The following PTPRG variants were observed in gnomAD, a reference collection of about 807,000 sequenced individuals.
PTPRG encodes protein tyrosine phosphatase receptor type G.
A neutral mutation model predicts 165.3 loss-of-function variants in PTPRG; 102 were observed. The ratio of observed to expected loss-of-function variants is 0.62; its 90% CI spans 0.53 to 0.73. The LOEUF (loss-of-function observed/expected upper bound fraction) is 0.73, where lower values mean the gene tolerates loss of function less well. PTPRG is among the 30% of genes least tolerant of loss of function. PTPRG has a pLI of 0.00. For missense variants in PTPRG, 1,866 were observed against 1,861.4 expected, an observed-to-expected ratio of 1.00 and a Z score of -0.05; for synonymous variants, 675 against 669.5, an observed-to-expected ratio of 1.01 and a Z score of -0.13.
At chr3:61,837,169 TCCC>T (rs1390729237) in intron 2 of PTPRG, among the ~76,000 whole-genome samples, 1 of 152,206 alleles carries the variant, frequency 6.6e-6, no homozygotes, top group East Asian at 1.9e-4. Flanking sequence ...TGTCTTGGCC[TCCC>T]AAAGTGTTGG....
intron 2 of PTPRG, among the ~76,000 whole-genome samples, chr3:61,902,792 A>G (rs1199518860): frequency 6.6e-6 from 1 of 152,102 alleles, no homozygotes; most frequent in South Asian, 2.1e-4. Context: ...TGTAATATGT[A>G]TCTATCATTG....
intron 3 of PTPRG, among the ~76,000 whole-genome samples, chr3:61,998,634 A>G (rs893661930): frequency 2.0e-5 from 3 of 152,202 alleles, no homozygotes; most frequent in Non-Finnish European, 2.9e-5. Flanking sequence ...TCTTGTATCA[A>G]GAAGGTATAG....
chr3:61,719,805 C>T (rs2031972460), intron 1 of PTPRG, among the ~76,000 whole-genome samples: 1 of 152,168 alleles, frequency 6.6e-6, no homozygotes, highest in Non-Finnish European at 1.5e-5. Flanking sequence ...GGACTTCTTG[C>T]TGTTCCTCAC....
In PTPRG at chr3:62,132,629, G is replaced by C. The variant is rs200790873; in HGVS notation, c.643G>C (p.Asp215His). Residue 215 changes from aspartate to histidine, a missense_variant, in exon 6 of 30, where the codon GAT (aspartate) becomes CAT (histidine). By Grantham distance (81) the Asp-to-His change is moderately conservative. Around this residue, in one of 3 missense-constraint regions of PTPRG, gnomAD observed 408 missense variants for 376.2 expected, o/e 1.08. Coordinates refer to ENST00000474889, the MANE Select transcript of PTPRG (RefSeq NM_002841.4). ...CAGTCCGAGGGACAATTCTGCACTGGATCCTATTATCCACGGGTTGAAGGG... is the reference window on the plus strand; with the variant it reads ...CAGTCCGAGGGACAATTCTGCACTGCATCCTATTATCCACGGGTTGAAGGG... ...QVSPRDNSAL[D>H]PIIHGLKGVV... The C allele has an allele frequency of 3.1e-6, 5 of 1,612,214 alleles. No individual in the cohort carries two copies. In the African/African-American group the frequency reaches 4.0e-5, roughly 13 times the overall value.
In PTPRG at chr3:62,262,916, A is replaced by G. The variant is rs755370161; in HGVS notation, c.2656+22A>G. 2.1e-5 allele frequency: 32 copies of G among 1,543,896 alleles called. No individual in the cohort carries two copies. The South Asian group carries it at 3.5e-4, about 17-fold the overall frequency. On this transcript the variant is annotated intron_variant, in intron 17 of 29. Coordinates refer to ENST00000474889, the MANE Select transcript of PTPRG (RefSeq NM_002841.4). ...GCATGTGAGTAATAAGCTTTAAACT[A>G]CCTTCAACTGCGAGGAAATTAAATT...
chr3:61,750,174 A>C (rs895914826), intron 2 of PTPRG: 6 of 152,242 alleles, frequency 3.9e-5, no homozygotes, highest in African/African-American at 1.4e-4. Flanking sequence ...TGATAAATGA[A>C]GGAAATTGGC....
intron 5 of PTPRG, among the ~76,000 whole-genome samples, chr3:62,104,348 A>C (rs1165492079): frequency 6.6e-6 from 1 of 152,174 alleles, no homozygotes; most frequent in East Asian, 1.9e-4. Flanking sequence ...TTGTTTTGTC[A>C]GCCAAATATG....
At chr3:61,720,530 T>C (rs1253509286) in intron 1 of PTPRG, among the ~76,000 whole-genome samples, 1 of 152,202 alleles carries the variant, frequency 6.6e-6, no homozygotes, top group African/African-American at 2.4e-5. Context: ...CACAGCCATG[T>C]AACCAACTCC....
At chr3:61,758,393 G>A (rs899055091) in intron 2 of PTPRG, among the ~76,000 whole-genome samples, 13 of 152,134 alleles carry the variant, frequency 8.5e-5, no homozygotes, top group Non-Finnish European at 2.9e-5. Context: ...TATTGTTGGT[G>A]TATATCATAC....
intron 2 of PTPRG, among the ~76,000 whole-genome samples, chr3:61,921,555 A>G (rs2039078758): frequency 6.6e-6 from 1 of 152,202 alleles, no homozygotes; most frequent in Admixed American, 6.5e-5. Flanking sequence ...TTCAAAATAC[A>G]GTCACAACTT....
chr3:62,058,184 G>A (rs1051176082), intron 4 of PTPRG, among the ~76,000 whole-genome samples: 1 of 152,172 alleles, frequency 6.6e-6, no homozygotes, highest in Non-Finnish European at 1.5e-5. Flanking sequence ...GGAAAATTGT[G>A]TGTACCTAGC....
At chr3:62,275,768 A>G in intron 23 of PTPRG, 105 bp from the exon 24 acceptor site, 3 of 790,502 alleles carry the variant, frequency 3.8e-6, no homozygotes, top group South Asian at 1.8e-5. Context: ...TGGCACAGAA[A>G]TGGTCTTGTT....
intron 1 of PTPRG, among the ~76,000 whole-genome samples, chr3:61,632,733 A>C (rs1701802759): frequency 6.6e-6 from 1 of 152,226 alleles, no homozygotes; most frequent in South Asian, 2.1e-4. Context: ...CATGTGTTTA[A>C]GTTGAGCATT....
chr3:62,133,267 A>G (rs978952775), intron 6 of PTPRG, among the ~76,000 whole-genome samples: 10 of 152,222 alleles, frequency 6.6e-5, no homozygotes, highest in Non-Finnish European at 1.0e-4. Context: ...ATCATTACCT[A>G]TGACATCAAG....
intron 1 of PTPRG, among the ~76,000 whole-genome samples, chr3:61,567,646 A>G (rs1290945965): frequency 1.4e-5 from 2 of 146,080 alleles, no homozygotes; most frequent in Admixed American, 1.4e-4. Flanking sequence ...AGCTTGAGTG[A>G]CACAGTGAGA....
chr3:62,167,557 G>A (rs1705039404), intron 7 of PTPRG, among the ~76,000 whole-genome samples: 1 of 152,168 alleles, frequency 6.6e-6, no homozygotes, highest in South Asian at 2.1e-4. Context: ...GTCACAGAGT[G>A]GGTAGGCGAT....
At chr3:61,768,262 C>CT (rs1470357470) in intron 2 of PTPRG, among the ~76,000 whole-genome samples, 4 of 151,924 alleles carry the variant, frequency 2.6e-5, no homozygotes, top group Admixed American at 1.3e-4. Context: ...TGATGTATGT[C>CT]TTTTTTTTGG....
chr3:61,964,651 CTCTTG>C (rs2040226822), intron 2 of PTPRG, among the ~76,000 whole-genome samples: 1 of 152,164 alleles, frequency 6.6e-6, no homozygotes, highest in Non-Finnish European at 1.5e-5. Context: ...TGTGAAGCTC[CTCTTG>C]TCTTTATTGC....
At chr3:62,262,625 T>C (rs769881020) in intron 16 of PTPRG, 173 bp from the exon 17 acceptor site, 2 of 463,870 alleles carry the variant, frequency 4.3e-6, no homozygotes, top group Non-Finnish European at 7.6e-6. Context: ...TATACCTTTT[T>C]CACATTCTTC....
Sources: allele counts gnomAD v4.1 joint callset (sites outside exome capture counted in the v4.1 genomes callset), GRCh38; gene constraint gnomAD v4.1.1; regional missense constraint gnomAD v4.1.1; transcripts MANE v1.5; gene names NCBI Gene and HGNC (gene_info 2026-07-23, HGNC 2026-07-21).